The following DNAH9 variants were observed in gnomAD, a reference collection of about 807,000 sequenced individuals.
DNAH9 encodes the protein DNAH9 variant protein.
Under a neutral mutation model 471.6 loss-of-function variants are expected in DNAH9, and 345 were observed. The observed-to-expected ratio is 0.73, with a 90% CI of 0.67 to 0.80. The LOEUF (loss-of-function observed/expected upper bound fraction) is 0.80. Among genes scored for constraint, DNAH9 ranks in the 30% least tolerant of loss-of-function variants. DNAH9 has a pLI of 0.00. For missense variants in DNAH9, 5,407 were observed against 5,609.2 expected (o/e 0.96, Z 1.15); for synonymous variants, 2,093 against 2,123.6 (o/e 0.99, Z 0.40).
At chr17:11,953,074 AT>A (rs1975454800) in intron 67 of DNAH9, among the ~76,000 whole-genome samples, 1 of 152,184 alleles carries the variant, frequency 6.6e-6, no homozygotes, top group Admixed American at 6.5e-5. Flanking sequence ...TTAGGGCTTC[AT>A]CCTTATGACG....
intron 22 of DNAH9, among the ~76,000 whole-genome samples, chr17:11,695,419 C>T (rs1302406677): frequency 1.3e-5 from 2 of 152,134 alleles, no homozygotes; most frequent in Non-Finnish European, 2.9e-5. Flanking sequence ...GTTATGTTAA[C>T]TGAATATGGA....
chr17:11,926,142 A>G, intron 62 of DNAH9, among the ~76,000 whole-genome samples: 1 of 150,702 alleles, frequency 6.6e-6, no homozygotes, highest in African/African-American at 2.4e-5. Context: ...TTTTAAGGAT[A>G]TTTTCAATGA....
Position 11,822,599 on chromosome 17 carries a change from G to A in DNAH9, c.9012G>A (p.Glu3004=), listed in dbSNP as rs1367704685. The stretch of plus-strand genomic sequence containing the variant: ...TCTTGCAGAACACAGAGGGCATTGA[G>A]GTGAGAGAGAAAAGGAGACACTCCT... ...LRFLQNTEGI[E]PTVKQSISKF... Residue 3004 remains glutamate, a splice_region_variant and synonymous_variant, in exon 47 of 69, where the codon GAG becomes GAA. Coordinates refer to ENST00000262442, the MANE Select transcript of DNAH9 (RefSeq NM_001372.4). The A allele has an allele frequency of 3.7e-6, 6 of 1,613,930 alleles. No homozygotes were observed. The African/African-American group carries it at 8.0e-5, about 22-fold the overall frequency.
In DNAH9 at chr17:11,629,494, TCAGCAGGTC is replaced by T; in HGVS notation, c.1434_1442del (p.Val479_Gln481del). 1 of 1,613,984 alleles carries T rather than the reference TCAGCAGGTC, an allele frequency of 6.2e-7. No individual in the cohort carries two copies. The highest frequency in any genetic ancestry group is 2.2e-5 in the East Asian group (1 of 44,866). On this transcript the variant is annotated inframe_deletion, in exon 7 of 69. Transcript: ENST00000262442. ...GCGGCGTCAGAGGGAATGCTCTGAG[TCAGCAGGTC>T]CAGCAAATGCATGAAGAATTTCAAG...
intron 61 of DNAH9, among the ~76,000 whole-genome samples, chr17:11,918,891 C>T (rs1467104456): frequency 6.6e-6 from 1 of 152,150 alleles, no homozygotes; most frequent in Non-Finnish European, 1.5e-5. Context: ...GAGGCTGACA[C>T]AGGAGAATCA....
At position 11,867,317 on chromosome 17, in the gene DNAH9, C is replaced by T. The variant is rs140826540; in HGVS notation, c.9934-1817C>T. Among the ~76,000 whole-genome samples the T allele has an allele frequency of 4.5e-3, 679 of 152,248 alleles. 4 individuals carry two copies. The highest frequency in any genetic ancestry group is 8.0e-3 in the Non-Finnish European group (547 of 68,018). On this transcript the variant is annotated intron_variant, in intron 50 of 68. Coordinates refer to ENST00000262442, the MANE Select transcript of DNAH9 (RefSeq NM_001372.4). ...AAAGCATATCTGTCAGATGTTGAAC[C>T]TCCTAGATCAGTCCTCTGTTTTCTT...
intron 38 of DNAH9, among the ~76,000 whole-genome samples, chr17:11,778,273 C>T (rs1343426452): frequency 7.6e-6 from 1 of 131,328 alleles, no homozygotes; most frequent in Non-Finnish European, 1.5e-5. Context: ...TTGCAGTGAG[C>T]CAGCCAAAAC....
chr17:11,735,804 T>A (rs921312686), intron 28 of DNAH9, among the ~76,000 whole-genome samples: 1 of 152,204 alleles, frequency 6.6e-6, no homozygotes, highest in Non-Finnish European at 1.5e-5. Flanking sequence ...CATGATAGTT[T>A]TCAAAGTAAA....
At chr17:11,894,597 A>C in intron 59 of DNAH9, 101 bp downstream of exon 59, 1 of 1,483,866 alleles carries the variant, frequency 6.7e-7, no homozygotes, top group Non-Finnish European at 9.2e-7. Context: ...TTGGAGTTCA[A>C]GCATGGAGCT....
chr17:11,890,217 T>C (rs1973005827), intron 57 of DNAH9, among the ~76,000 whole-genome samples: 1 of 152,172 alleles, frequency 6.6e-6, no homozygotes, highest in South Asian at 2.1e-4. Context: ...TCTGTCTCTA[T>C]GAAACTGTTC....
chr17:11,774,189 T>A (rs1334258666), intron 38 of DNAH9, among the ~76,000 whole-genome samples: 4 of 150,786 alleles, frequency 2.7e-5, no homozygotes, highest in African/African-American at 9.9e-5. Context: ...ACCACCCCTG[T>A]CGCTCCTTTC....
Position 11,704,927 on chromosome 17 carries a change from C to T in DNAH9, c.5392-98C>T, listed in dbSNP as rs143590169. The stretch of plus-strand genomic sequence containing the variant: ...CACAGCATGCTGCACACTTTAGCAG[C>T]AGTCAACAGCCAAGGCATCAGACCC... On this transcript the variant is annotated intron_variant, in intron 25 of 68. Coordinates refer to ENST00000262442, the MANE Select transcript of DNAH9 (RefSeq NM_001372.4). 1,774 of 942,026 alleles carry T rather than the reference C, an allele frequency of 1.9e-3. 10 individuals are homozygous for T. Among genetic ancestry groups the T allele is most frequent in the Admixed American group, 2.0e-3 (112 of 55,254 alleles). The allele number at this position is 942,026 out of a possible 1,614,324, so 58.4% of individuals were successfully genotyped here.
chr17:11,690,275 T>C lies in DNAH9; in HGVS notation c.4453T>C (p.Ser1485Pro). The change falls in exon 20 of 69, where the codon TCC (serine) becomes CCC (proline). Residue 1485 changes from serine to proline, a missense_variant. Physicochemically the swap from Ser to Pro is moderately conservative, Grantham distance 74. This residue lies in a region of DNAH9 where 4,636 missense variants were observed against 4,900.3 expected (regional missense o/e 0.95). Transcript: ENST00000262442. ...AGTTCAACTTCAGAACCTGGTGATGTCCAAGTATGTTGCTTTCTTCTTGGA... is the reference window on the plus strand; with the variant it reads ...AGTTCAACTTCAGAACCTGGTGATGCCCAAGTATGTTGCTTTCTTCTTGGA... ...NQVQLQNLVM[S>P]KYVAFFLEEV... is the part of the protein sequence containing the mutation. 6.2e-7 allele frequency: 1 copy of C among 1,614,206 alleles called. No homozygotes were observed. Among genetic ancestry groups the C allele is most frequent in the Non-Finnish European group, 8.5e-7 (1 of 1,180,028 alleles).
In DNAH9 at chr17:11,757,413, C is replaced by G. The variant is rs1408344085; in HGVS notation, c.6848-132C>G. The G allele has an allele frequency of 4.5e-5, 37 of 828,828 alleles. No individual in the cohort carries two copies. The Admixed American group carries it at 1.0e-3, about 23-fold the overall frequency. The allele number at this position is 828,828 out of a possible 1,614,324, so 51.3% of individuals were successfully genotyped here. A position where few individuals can be genotyped will look rare whatever the true frequency, so the allele number is the denominator to read the frequency against. Reference sequence around the variant, plus strand: ...AGCAAACCCATTTACCCGCTCACATCTTGGCCAAATCTCCTTTTCTTTTCA... The same window carrying G: ...AGCAAACCCATTTACCCGCTCACATGTTGGCCAAATCTCCTTTTCTTTTCA... On this transcript the variant is annotated intron_variant, in intron 34 of 68. Transcript: ENST00000262442.
intron 4 of DNAH9, among the ~76,000 whole-genome samples, chr17:11,613,545 C>A (rs1288950547): frequency 6.6e-6 from 1 of 152,138 alleles, no homozygotes; most frequent in Non-Finnish European, 1.5e-5. Context: ...GCAGAGGTTG[C>A]AGTGAGTCGA....
chr17:11,612,129 G>C lies in DNAH9; in HGVS notation c.904+349G>C, dbSNP rs2072651578. 5.4e-6 allele frequency: 3 copies of C among 553,554 alleles called. No individual in the cohort carries two copies. The South Asian group carries it at 6.6e-5, about 12-fold the overall frequency. 34.3% of individuals were successfully genotyped at this position (553,554 alleles called of 1,614,324 possible). A position where few individuals can be genotyped will look rare whatever the true frequency, so the allele number is the denominator to read the frequency against. ...GACTTAACACAACAATGTTCCTGGA[G>C]CTGTCCCTTTGTGTCTTTCAAACAC... On this transcript the variant is annotated intron_variant, in intron 4 of 68. Transcript: ENST00000262442.
intron 17 of DNAH9, among the ~76,000 whole-genome samples, chr17:11,671,145 G>A (rs2073965495): frequency 6.6e-6 from 1 of 152,224 alleles, no homozygotes; most frequent in African/African-American, 2.4e-5. Flanking sequence ...CACTGTTGGA[G>A]GAGACAGCTG....
chr17:11,598,475 C>G lies in DNAH9; in HGVS notation c.-24C>G. The G allele has an allele frequency of 7.4e-7, 1 of 1,347,036 alleles. No homozygotes were observed. Among genetic ancestry groups the G allele is most frequent in the Non-Finnish European group, 9.5e-7 (1 of 1,055,400 alleles). 83.4% of individuals were successfully genotyped at this position (1,347,036 alleles called of 1,614,324 possible). ...GCCGCGTCCCCGTCGCTAGGGAAAC[C>G]GATGCAGCTGGAGGCCGCGCGCGAT... On this transcript the variant is annotated 5_prime_UTR_variant, in exon 1 of 69. Coordinates refer to ENST00000262442, the MANE Select transcript of DNAH9 (RefSeq NM_001372.4).
At chr17:11,968,585 C>T (rs1274430444) in intron 68 of DNAH9, among the ~76,000 whole-genome samples, 1 of 152,196 alleles carries the variant, frequency 6.6e-6, no homozygotes, top group Non-Finnish European at 1.5e-5. Context: ...GCTAGGACTT[C>T]TTGTGTTCAG....
Sources: gnomAD v4.1 joint callset for allele counts (sites outside exome capture counted in the v4.1 genomes callset) on GRCh38, gnomAD v4.1.1 for gene constraint, gnomAD v4.1.1 regional missense constraint, MANE v1.5 for transcripts, NCBI Gene and HGNC (gene_info 2026-07-23, HGNC 2026-07-21) for gene names.